Variants in PLCH2 observed in about 807,000 individuals in gnomAD.
PLCH2 encodes 1-phosphatidylinositol 4,5-bisphosphate phosphodiesterase eta-2.
PLCH2 carries 98 observed loss-of-function variants against 134.7 expected under a neutral mutation model. The observed-to-expected ratio is 0.73, with a 90% confidence interval of 0.62 to 0.86. The LOEUF (loss-of-function observed/expected upper bound fraction) is 0.86. PLCH2 is among the 40% of genes least tolerant of loss of function. The pLI is 0.00. For missense variants in PLCH2, 1,994 were observed against 1,986.6 expected, an observed-to-expected ratio of 1.00 and a Z score of -0.07; for synonymous variants, 974 against 827.5, an observed-to-expected ratio of 1.18 and a Z score of -3.04.
At chr1:2,420,670 G>A in the PLCH2 span, among the ~76,000 whole-genome samples, 1 of 152,172 alleles carries the variant, frequency 6.6e-6, no homozygotes, top group African/African-American at 2.4e-5. Context: ...GCTTCAAGCT[G>A]ACCTCTGACC....
rs756755300 is a variant in PLCH2 at position 2,504,397 on chromosome 1, C to T, written c.3435C>T (p.Ser1145=). ...GTGGCCACCGAGACAGCGTTTCCTC[C>T]TCCTCCAGCATGTCATCCAGCGACA... ...EPCGHRDSVS[S]SSSMSSSDTV... is the part of the protein sequence containing the mutation. Residue 1145 remains serine, a synonymous_variant, in exon 22 of 22, where the codon TCC becomes TCT. Coordinates refer to ENST00000378486, the MANE Select transcript of PLCH2 (RefSeq NM_014638.4). 2 of 1,612,524 alleles carry T rather than the reference C, an allele frequency of 1.2e-6. No homozygotes were observed. Among genetic ancestry groups the T allele is most frequent in the Middle Eastern group, 1.6e-4 (1 of 6,062 alleles).
At chr1:2,459,730 C>T (rs1640718987) in intron 2 of PLCH2, among the ~76,000 whole-genome samples, 1 of 152,114 alleles carries the variant, frequency 6.6e-6, no homozygotes, top group Non-Finnish European at 1.5e-5. Context: ...TCCTCCTTGC[C>T]TGTGGTCTGT....
intron 2 of PLCH2, among the ~76,000 whole-genome samples, chr1:2,442,776 A>G (rs1639750262): frequency 1.3e-5 from 2 of 152,262 alleles, no homozygotes; most frequent in African/African-American, 2.4e-5. Context: ...TTCTTGTTCC[A>G]GAGTCTGCCA....
intron 2 of PLCH2, among the ~76,000 whole-genome samples, chr1:2,431,455 G>A (rs1195155299): frequency 6.6e-6 from 1 of 152,156 alleles, no homozygotes; most frequent in South Asian, 2.1e-4. Flanking sequence ...GTGGAGCTGC[G>A]CCTGGGGAGC....
intron 2 of PLCH2, chr1:2,479,456 G>A (rs1641829932): frequency 2.6e-6 from 1 of 390,406 alleles, no homozygotes; most frequent in Non-Finnish European, 4.7e-6. Flanking sequence ...CGGGCACTGG[G>A]GGCTGCAGGT....
At chr1:2,499,057 A>T in intron 18 of PLCH2, 27 bp from the exon 19 acceptor site, 1 of 1,597,202 alleles carries the variant, frequency 6.3e-7, no homozygotes, top group Non-Finnish European at 8.5e-7. Flanking sequence ...TCCCCATGGG[A>T]CACTCCTCCT....
At chr1:2,447,488 A>C (rs944304471) in intron 2 of PLCH2, among the ~76,000 whole-genome samples, 3 of 152,054 alleles carry the variant, frequency 2.0e-5, no homozygotes, top group African/African-American at 7.2e-5. Context: ...GGACATGCAT[A>C]GTGGGTGGAG....
chr1:2,481,846 G>A (rs966453546), intron 4 of PLCH2, among the ~76,000 whole-genome samples: 1 of 152,248 alleles, frequency 6.6e-6, no homozygotes, highest in African/African-American at 2.4e-5. Context: ...GCCCTGCAGA[G>A]CCGAGAGAAG....
chr1:2,445,646 G>T (rs1269414825), intron 2 of PLCH2, among the ~76,000 whole-genome samples: 1 of 151,922 alleles, frequency 6.6e-6, no homozygotes, highest in Non-Finnish European at 1.5e-5. Flanking sequence ...CCCAGAGGGG[G>T]GAGGCAGAGG....
chr1:2,455,314 C>T (rs962651534), intron 2 of PLCH2, among the ~76,000 whole-genome samples: 4 of 152,158 alleles, frequency 2.6e-5, no homozygotes, highest in African/African-American at 9.7e-5. Context: ...CCCTGTTCCC[C>T]GGCCTGGCCT....
Position 2,498,889 on chromosome 1 carries a change from G to T in PLCH2, c.2434+61G>T. On this transcript the variant is annotated intron_variant, in intron 18 of 21. Transcript: ENST00000378486. The surrounding 1 kb of genome is among the most constrained non-coding windows in gnomAD (Gnocchi z 5.4). ...GGAAGTCTGAGGGGGGAGGGTTGGGGCTACCTGGTGTGCCCGGGTGCCCTG... is the reference window on the plus strand; with the variant it reads ...GGAAGTCTGAGGGGGGAGGGTTGGGTCTACCTGGTGTGCCCGGGTGCCCTG... The T allele has an allele frequency of 7.0e-7, 1 of 1,432,820 alleles. No homozygotes were observed. Among genetic ancestry groups the T allele is most frequent in the South Asian group, 1.2e-5 (1 of 83,132 alleles). The allele number at this position is 1,432,820 out of a possible 1,614,324, so 88.8% of individuals were successfully genotyped here. A position where few individuals can be genotyped will look rare whatever the true frequency, so the allele number is the denominator to read the frequency against.
At chr1:2,503,464 G>T in intron 21 of PLCH2, 2 of 607,608 alleles carry the variant, frequency 3.3e-6, no homozygotes, top group Non-Finnish European at 5.9e-6. Context: ...GGGCCCCAGG[G>T]CTTCGCTGCT....
upstream of PLCH2, among the ~76,000 whole-genome samples, chr1:2,424,578 C>T (rs1034616923): frequency 1.3e-5 from 2 of 152,154 alleles, no homozygotes; most frequent in South Asian, 2.1e-4. Context: ...AGGCCAGGTG[C>T]GGTGGCTCAC....
chr1:2,493,948 T>G (rs1642732548), intron 11 of PLCH2: 1 of 152,284 alleles, frequency 6.6e-6, no homozygotes, highest in African/African-American at 2.4e-5. Context: ...CTGTGGGTGT[T>G]GCAGGGGTGT....
chr1:2,466,578 G>A (rs575570461), upstream of PLCH2, among the ~76,000 whole-genome samples: 3 of 152,328 alleles, frequency 2.0e-5, no homozygotes, highest in East Asian at 3.9e-4. Flanking sequence ...CCTCCTGCCC[G>A]GGCCTGCGTG....
In PLCH2 at chr1:2,497,603, T is replaced by C; in HGVS notation, c.2218T>C (p.Cys740Arg). The C allele has an allele frequency of 6.4e-7, 1 of 1,554,894 alleles. No individual in the cohort carries two copies. Among genetic ancestry groups the C allele is most frequent in the Non-Finnish European group, 8.7e-7 (1 of 1,148,474 alleles). ...CTACGTACTCAAGCCTGGGTGCATG[T>C]GCCAGGGTGAGGCACTCGGACACTC... The part of the protein sequence containing the change: ...CGYVLKPGCM[C>R]QGVFNPNSED... Residue 740 changes from cysteine to arginine, a missense_variant, in exon 16 of 22, where the codon TGC becomes CGC. Physicochemically the swap from Cys to Arg is radical, Grantham distance 180. This residue lies in a region of PLCH2 where 1,094 missense variants were observed against 1,234.3 expected (regional missense o/e 0.89). Coordinates refer to ENST00000378486, the MANE Select transcript of PLCH2 (RefSeq NM_014638.4).
upstream of PLCH2, among the ~76,000 whole-genome samples, chr1:2,424,891 CAGG>C (rs1475531296): frequency 6.6e-6 from 1 of 152,180 alleles, no homozygotes; most frequent in African/African-American, 2.4e-5. Context: ...GAGGCTGAGG[CAGG>C]AGAATGGTGT....
chr1:2,504,928 C>G lies in PLCH2; in HGVS notation c.3966C>G (p.Gly1322=). 1 of 1,570,934 alleles carries G rather than the reference C, an allele frequency of 6.4e-7. No individual in the cohort carries two copies. The change falls in exon 22 of 22, where the codon GGC becomes GGG. Residue 1322 remains glycine (G), a synonymous_variant. Coordinates refer to ENST00000378486, the MANE Select transcript of PLCH2 (RefSeq NM_014638.4). ...ACATCACGTCACCCACCAGCCTGGG[C>G]CCGGCTGGGGAGGGGGTGGCAGGGG... ...AGDITSPTSL[G]PAGEGVAGGP... is the part of the protein sequence containing the mutation.
chr1:2,473,840 G>T (rs888089081), upstream of PLCH2, among the ~76,000 whole-genome samples: 2 of 152,260 alleles, frequency 1.3e-5, no homozygotes, highest in Non-Finnish European at 2.9e-5. Flanking sequence ...GCCCGACCAG[G>T]ACTGCCGGCC....
Sources: gnomAD v4.1 joint callset for allele counts (sites outside exome capture counted in the v4.1 genomes callset) on GRCh38, gnomAD v4.1.1 for gene constraint, gnomAD v4.1.1 regional missense constraint, Gnocchi (gnomAD v3.1) non-coding constraint, MANE v1.5 for transcripts, NCBI Gene and HGNC (gene_info 2026-07-23, HGNC 2026-07-21) for gene names.